CEP41: variants seen among roughly 807,000 people sequenced by gnomAD.
The protein encoded by CEP41 is centrosomal protein of 41 kDa.
Under a neutral mutation model 44.3 loss-of-function variants are expected in CEP41, and 32 were observed. The ratio of observed to expected loss-of-function variants is 0.72; its 90% CI spans 0.54 to 0.97. The LOEUF is 0.97. Among genes scored for constraint, CEP41 ranks in the 50% least tolerant of loss-of-function variants. The pLI, the probability that CEP41 is intolerant of heterozygous loss-of-function variation, is 0.00. For missense variants in CEP41, 432 were observed against 455.2 expected, an observed-to-expected ratio of 0.95 and a Z score of 0.46; for synonymous variants, 151 against 168.5, an observed-to-expected ratio of 0.90 and a Z score of 0.80.
chr7:130,411,920 C>A, intron 4 of CEP41: 1 of 369,134 alleles, frequency 2.7e-6, no homozygotes, highest in Non-Finnish European at 4.9e-6. Flanking sequence ...GGAAAAAAAC[C>A]CCTAACCACA....
In CEP41 at chr7:130,398,898, C is replaced by T. The variant is rs139909606; in HGVS notation, c.1115G>A (p.Trp372Ter). Residue 372 changes from tryptophan (W) to a stop codon, truncating the protein, a stop_gained, in exon 11 of 11, where the codon TGG (tryptophan) becomes TAG (stop). Transcript: ENST00000223208. LOFTEE classifies it high-confidence loss of function. Reference sequence around the variant, plus strand: ...CTAAGTGAGACAAAGTCTTTACTTCCAGGGTTTGCCTTGCAGGTGACCACT... The same window carrying T: ...CTAAGTGAGACAAAGTCTTTACTTCTAGGGTTTGCCTTGCAGGTGACCACT... ...LSSGHLQGKP[W>*]K 18 of 1,614,122 alleles carry T rather than the reference C, an allele frequency of 1.1e-5. No homozygotes were observed. Among genetic ancestry groups the T allele is most frequent in the Non-Finnish European group, 1.4e-5 (16 of 1,180,046 alleles).
At chr7:130,403,300 T>TGAG (rs1554417433) in intron 6 of CEP41, among the ~76,000 whole-genome samples, 86 of 152,358 alleles carry the variant, frequency 5.6e-4, no homozygotes, top group African/African-American at 1.9e-3. Flanking sequence ...GTCTTAATAC[T>TGAG]TACATAGCTC....
chr7:130,417,814 A>G (rs1797379799), intron 2 of CEP41, among the ~76,000 whole-genome samples: 1 of 152,222 alleles, frequency 6.6e-6, no homozygotes, highest in Admixed American at 6.5e-5. Context: ...ATAATTTCTC[A>G]TTTCTAAAAC....
At chr7:130,406,537 T>G (rs932443967) in intron 5 of CEP41, among the ~76,000 whole-genome samples, 3 of 152,108 alleles carry the variant, frequency 2.0e-5, no homozygotes, top group South Asian at 2.1e-4. Flanking sequence ...TGAGCTGAGA[T>G]CGTGCCACTG....
rs1796797460 is a variant in CEP41, at chr7:130,400,118, A to C, written c.894T>G (p.Asn298Lys). ...AGTCTTCTGGGGTAAATCTCCATTT[A>C]TTCTCAGCTGGTAGGGGTGGCCCTT... is the stretch of plus-strand genomic sequence containing the variant. ...SPKGPPLPAE[N>K]KWRFTPEDLK... The change falls in exon 10 of 11, where the codon AAT becomes AAG. Residue 298 changes from asparagine to lysine, a missense_variant. Asn to Lys is a moderately conservative substitution (Grantham distance 94). Transcript: ENST00000223208. 1.2e-6 allele frequency: 2 copies of C among 1,613,854 alleles called. No individual in the cohort carries two copies. Among genetic ancestry groups the C allele is most frequent in the Non-Finnish European group, 8.5e-7 (1 of 1,179,930 alleles).
upstream of CEP41, chr7:130,441,302 C>T (rs1043260338): frequency 6.4e-6 from 3 of 467,684 alleles, no homozygotes; most frequent in South Asian, 6.1e-5. Flanking sequence ...GGGGCGGGGG[C>T]AGTGGCTTGA....
At chr7:130,430,194 A>G (rs929627660) in intron 1 of CEP41, among the ~76,000 whole-genome samples, 1 of 152,204 alleles carries the variant, frequency 6.6e-6, no homozygotes, top group Non-Finnish European at 1.5e-5. Flanking sequence ...TTAAAACTAG[A>G]GGCACCTTTT....
In CEP41 at chr7:130,411,311, T is replaced by A. The variant is rs1797176334; in HGVS notation, c.208-120A>T. 8.8e-6 allele frequency: 7 copies of A among 798,122 alleles called. No individual in the cohort carries two copies. The East Asian group carries it at 1.8e-4, about 21-fold the overall frequency. The allele number at this position is 798,122 out of a possible 1,614,324, so 49.4% of individuals were successfully genotyped here. ...AAAGATCTGTTGTTTTAAGAAGCTG[T>A]CAGTGTCCTCAACTGAACGCTGAAT... On this transcript the variant is annotated intron_variant, in intron 4 of 10. Transcript: ENST00000223208.
At chr7:130,411,717 G>A (rs1797186604) in intron 4 of CEP41, among the ~76,000 whole-genome samples, 1 of 152,140 alleles carries the variant, frequency 6.6e-6, no homozygotes, top group African/African-American at 2.4e-5. Context: ...TCTTGGAACT[G>A]GAAAGACACC....
intron 4 of CEP41, among the ~76,000 whole-genome samples, chr7:130,411,789 G>A (rs975545239): frequency 3.3e-5 from 5 of 152,120 alleles, no homozygotes; most frequent in Admixed American, 6.6e-5. Context: ...AACAGCTCTG[G>A]CAGGATGATT....
chr7:130,400,090 T>G lies in CEP41; in HGVS notation c.922A>C (p.Lys308Gln). The change falls in exon 10 of 11, where the codon AAA (lysine) becomes CAA (glutamine). Residue 308 changes from lysine to glutamine, a missense_variant. Transcript: ENST00000223208. ...TCTTCCAGATAATATTCTATCTTTT[T>G]TAAGTCTTCTGGGGTAAATCTCCAT... ...NKWRFTPEDL[K>Q]KIEYYLEEEQ... 1 of 1,613,558 alleles carries G rather than the reference T, an allele frequency of 6.2e-7. No homozygotes were observed. The highest frequency in any genetic ancestry group is 8.5e-7 in the Non-Finnish European group (1 of 1,179,872).
intron 2 of CEP41, chr7:130,417,243 T>G: frequency 8.1e-7 from 1 of 1,229,140 alleles, no homozygotes; most frequent in African/African-American, 1.5e-5. Context: ...AGATGATCAT[T>G]TTCTATCAGT....
At chr7:130,432,170 T>C (rs1157829631) in intron 1 of CEP41, among the ~76,000 whole-genome samples, 2 of 146,134 alleles carry the variant, frequency 1.4e-5, no homozygotes, top group African/African-American at 5.1e-5. Context: ...CTGGCAGCAA[T>C]ATTGGAGAAT....
chr7:130,409,722 ACT>A lies in CEP41; in HGVS notation c.277+1398_277+1399del, dbSNP rs1293650176. On this transcript the variant is annotated intron_variant, in intron 5 of 10. Transcript: ENST00000223208. ...ACTTCAGGATAAAATAAAGACCTTA[ACT>A]CTCTGTATTCTTTTCATGAGAGTAC... 2.6e-5 allele frequency among the ~76,000 whole-genome samples: 4 copies of A among 152,050 alleles called. No homozygotes were observed. The East Asian group carries it at 5.8e-4, about 22-fold the overall frequency.
intron 1 of CEP41, 74 bp from the exon 2 acceptor site, chr7:130,428,092 A>G: frequency 9.3e-7 from 1 of 1,072,740 alleles, no homozygotes; most frequent in Non-Finnish European, 1.4e-6. Flanking sequence ...GGAGTCAGAT[A>G]CTTTAAAAAT....
At chr7:130,406,157 T>G (rs568830966) in intron 5 of CEP41, among the ~76,000 whole-genome samples, 12 of 152,326 alleles carry the variant, frequency 7.9e-5, no homozygotes, top group African/African-American at 2.6e-4. Context: ...TTTAATACAC[T>G]AAATATTAAT....
At chr7:130,431,235 C>T (rs1357531971) in intron 1 of CEP41, among the ~76,000 whole-genome samples, 3 of 152,116 alleles carry the variant, frequency 2.0e-5, no homozygotes, top group Non-Finnish European at 4.4e-5. Context: ...TTTTGACCTA[C>T]TGACCAACTG....
At chr7:130,414,963 A>G (rs550625548) in intron 3 of CEP41, among the ~76,000 whole-genome samples, 27 of 152,274 alleles carry the variant, frequency 1.8e-4, no homozygotes, top group African/African-American at 6.5e-4. Flanking sequence ...GTCTCTCTCG[A>G]GTTACTGGAA....
At position 130,434,259 on chromosome 7, in the gene CEP41, C is replaced by T. The variant is rs192597643; in HGVS notation, c.34-6241G>A. ...GCATTTTACCTACATTATCTCATTC[C>T]CCACAACCACTGTAACCAATATTAC... is the stretch of plus-strand genomic sequence containing the variant. On this transcript the variant is annotated intron_variant, in intron 1 of 10. Coordinates refer to ENST00000223208, the MANE Select transcript of CEP41 (RefSeq NM_018718.3). 7.4e-4 allele frequency among the ~76,000 whole-genome samples: 113 copies of T among 152,164 alleles called. 1 individual carries two copies. The East Asian group carries it at 0.021, about 29-fold the overall frequency.
Sources: allele counts gnomAD v4.1 joint callset (sites outside exome capture counted in the v4.1 genomes callset), GRCh38; gene constraint gnomAD v4.1.1; transcripts MANE v1.5; gene names NCBI Gene and HGNC (gene_info 2026-07-23, HGNC 2026-07-21).